The following COPS3 variants were observed in gnomAD, a reference collection of about 807,000 sequenced individuals.
COPS3 encodes COP9 signalosome complex subunit 3.
Under a neutral mutation model 58.2 loss-of-function variants are expected in COPS3, and 10 were observed. The observed-to-expected ratio is 0.17, with a 90% CI of 0.11 to 0.29. COPS3 has a LOEUF of 0.29. Ranked by LOEUF, COPS3 falls within the 10% of genes least tolerant of loss-of-function variation. The probability of loss-of-function intolerance (pLI) is 1.00; values close to 1 mark genes in which losing one functional copy is unlikely to be tolerated. For synonymous variants in COPS3, 187 were observed against 181.7 expected, an observed-to-expected ratio of 1.03 and a Z score of -0.24; for missense variants, 333 against 510.1, an observed-to-expected ratio of 0.65 and a Z score of 3.34.
chr17:17,273,693 A>G (rs978112085), intron 2 of COPS3, among the ~76,000 whole-genome samples: 14 of 152,212 alleles, frequency 9.2e-5, no homozygotes, highest in Non-Finnish European at 1.8e-4. Context: ...TTTACAAAAA[A>G]ACACAAAAAT....
chr17:17,260,802 C>CAG (rs2048078553), intron 7 of COPS3: 2 of 89,790 alleles, frequency 2.2e-5, no homozygotes, highest in African/African-American at 7.8e-5. Flanking sequence ...AACTCCGTCT[C>CAG]AAAAAAAAAA....
intron 9 of COPS3, among the ~76,000 whole-genome samples, chr17:17,249,813 A>G (rs2047802039): frequency 6.6e-6 from 1 of 152,132 alleles, no homozygotes; most frequent in African/African-American, 2.4e-5. Context: ...TTTTTAATAA[A>G]CACGGGGTTT....
intron 6 of COPS3, among the ~76,000 whole-genome samples, chr17:17,263,249 C>T (rs1352120489): frequency 1.3e-5 from 2 of 149,462 alleles, no homozygotes; most frequent in Non-Finnish European, 3.0e-5. Flanking sequence ...GATCGTGCCA[C>T]TGCACTCCAG....
chr17:17,275,948 TATAA>T (rs1191059645), intron 2 of COPS3, 83 bp downstream of exon 2: 7 of 1,301,974 alleles, frequency 5.4e-6, no homozygotes, highest in Admixed American at 4.7e-5. Flanking sequence ...TCTCAAAAAA[TATAA>T]ATAAATAAAT....
At chr17:17,279,766 T>A (rs150180048) in intron 1 of COPS3, among the ~76,000 whole-genome samples, 63 of 152,324 alleles carry the variant, frequency 4.1e-4, no homozygotes, top group African/African-American at 1.4e-3. Context: ...TTACATGGTT[T>A]CTCTCATTGA....
intron 2 of COPS3, among the ~76,000 whole-genome samples, chr17:17,271,855 T>TAG (rs1455761713): frequency 1.5e-5 from 2 of 136,230 alleles, no homozygotes; most frequent in Non-Finnish European, 3.1e-5. Flanking sequence ...TATATATATA[T>TAG]ATACACACAT....
At chr17:17,264,178 C>G (rs8070995) in intron 6 of COPS3, among the ~76,000 whole-genome samples, 2 of 152,116 alleles carry the variant, frequency 1.3e-5, no homozygotes, top group Non-Finnish European at 2.9e-5. Context: ...TTTTAAATAT[C>G]CTTTATTACT....
intron 1 of COPS3, 120 bp downstream of exon 1, chr17:17,281,012 C>G: frequency 8.3e-7 from 1 of 1,199,798 alleles, no homozygotes; most frequent in South Asian, 1.4e-5. Flanking sequence ...ACCCCAAGCC[C>G]GGCCCCGGAG....
At position 17,267,230 on chromosome 17, in the gene COPS3, C is replaced by T. The variant is rs567312293; in HGVS notation, c.441+655G>A. ...GCGGGCGCCTGTAGTCCCAGCTACT[C>T]GGGAGGCTGAGGCGGGAGAATGGCG... On this transcript the variant is annotated intron_variant, in intron 5 of 11. Coordinates refer to ENST00000268717, the MANE Select transcript of COPS3 (RefSeq NM_003653.4). Among the ~76,000 whole-genome samples the T allele has an allele frequency of 7.4e-5, 11 of 148,074 alleles. No homozygotes were observed. In the East Asian group the frequency reaches 1.8e-3, roughly 25 times the overall value.
intron 6 of COPS3, among the ~76,000 whole-genome samples, chr17:17,264,503 T>C (rs2048178227): frequency 6.6e-6 from 1 of 152,218 alleles, no homozygotes; most frequent in African/African-American, 2.4e-5. Flanking sequence ...ATCTCTTCCT[T>C]ATATGCAAAG....
intron 4 of COPS3, among the ~76,000 whole-genome samples, chr17:17,268,851 AAT>A (rs55839656): frequency 0.45 from 67,178 of 148,600 alleles, 16,048 homozygotes; most frequent in East Asian, 0.61. Flanking sequence ...CAACAACAAA[AAT>A]ATATATATAT....
At position 17,249,170 on chromosome 17, in the gene COPS3, G is replaced by A. The variant is rs191235460; in HGVS notation, c.1024-131C>T. 1,181 of 577,932 alleles carry A rather than the reference G, an allele frequency of 2.0e-3. 3 individuals carry two copies. The highest frequency in any genetic ancestry group is 2.2e-3 in the Non-Finnish European group (730 of 330,154). 35.8% of individuals were successfully genotyped at this position (577,932 alleles called of 1,614,324 possible). Reference sequence around the variant, plus strand: ...TAAATAAACTTGTATATTTTTAAGCGCCATCTGTTTATCCAAGTATTTATT... The same window carrying A: ...TAAATAAACTTGTATATTTTTAAGCACCATCTGTTTATCCAAGTATTTATT... On this transcript the variant is annotated intron_variant, in intron 9 of 11. Coordinates refer to ENST00000268717, the MANE Select transcript of COPS3 (RefSeq NM_003653.4).
At chr17:17,260,507 T>G in intron 7 of COPS3, 33 bp from the exon 8 acceptor site, 1 of 1,609,284 alleles carries the variant, frequency 6.2e-7, no homozygotes, top group East Asian at 2.2e-5. Flanking sequence ...AAATTCAGAT[T>G]AAAACTTCAG....
chr17:17,249,774 A>G (rs1019021739), intron 9 of COPS3, among the ~76,000 whole-genome samples: 1 of 151,982 alleles, frequency 6.6e-6, no homozygotes, highest in African/African-American at 2.4e-5. Context: ...TTACAGGCGT[A>G]AGCCACCGCG....
chr17:17,250,729 C>T (rs564513942), intron 9 of COPS3, among the ~76,000 whole-genome samples: 1 of 152,190 alleles, frequency 6.6e-6, no homozygotes, highest in Non-Finnish European at 1.5e-5. Context: ...ATGTTCCACA[C>T]GGTGATAATA....
intron 2 of COPS3, among the ~76,000 whole-genome samples, chr17:17,272,581 G>C (rs1349542108): frequency 5.3e-5 from 8 of 152,158 alleles, no homozygotes; most frequent in Non-Finnish European, 8.8e-5. Context: ...AAGTTCGGAG[G>C]AGTACTGCCA....
Position 17,249,030 on chromosome 17 carries a change from C to T in COPS3, c.1033G>A (p.Gly345Ser), listed in dbSNP as rs1235463692. ...TGGTTAATACTTGCAAAAATCTCAC[C>T]ATCTTCTATCTGCAGAAAGAAAAAA... ...EKYVLHMIED[G>S]EIFASINQKD... The change falls in exon 10 of 12, where the codon GGT becomes AGT. Residue 345 changes from glycine (G) to serine (S), a missense_variant. Physicochemically the swap from Gly to Ser is moderately conservative, Grantham distance 56. Coordinates refer to ENST00000268717, the MANE Select transcript of COPS3 (RefSeq NM_003653.4). 1.6e-5 allele frequency: 25 copies of T among 1,579,678 alleles called. No homozygotes were observed. The highest frequency in any genetic ancestry group is 1.7e-5 in the Non-Finnish European group (20 of 1,162,114).
At chr17:17,252,197 A>T (rs547763794) in intron 9 of COPS3, among the ~76,000 whole-genome samples, 1 of 152,242 alleles carries the variant, frequency 6.6e-6, no homozygotes, top group Admixed American at 6.5e-5. Context: ...CTTTGTGAAA[A>T]TGTGTTTAGC....
chr17:17,273,859 GA>G (rs1296821840), intron 2 of COPS3, among the ~76,000 whole-genome samples: 1 of 151,970 alleles, frequency 6.6e-6, no homozygotes, highest in African/African-American at 2.4e-5. Context: ...CCCCCCAAAA[GA>G]AAAAAAGTTA....
Sources: gnomAD v4.1 joint callset for allele counts (sites outside exome capture counted in the v4.1 genomes callset) on GRCh38, gnomAD v4.1.1 for gene constraint, MANE v1.5 for transcripts, NCBI Gene and HGNC (gene_info 2026-07-23, HGNC 2026-07-21) for gene names.